Variants in PRKN observed in about 807,000 individuals in gnomAD.
PRKN encodes E3 ubiquitin-protein ligase parkin.
A neutral mutation model predicts 59.5 loss-of-function variants in PRKN; 56 were observed. That is an observed-to-expected ratio of 0.94 (90% CI 0.76 to 1.18). PRKN has a LOEUF of 1.18. Among genes scored for constraint, PRKN ranks in the 50% most tolerant of loss-of-function variants. The pLI is 0.00. For synonymous variants in PRKN, 250 were observed against 222.1 expected, an observed-to-expected ratio of 1.13 and a Z score of -1.12; for missense variants, 657 against 596.4, an observed-to-expected ratio of 1.10 and a Z score of -1.06.
chr6:162,443,478 C>G lies in PRKN; in HGVS notation c.8-5G>C. On this transcript the variant is annotated splice_polypyrimidine_tract_variant and splice_region_variant and intron_variant, in intron 1 of 11. Transcript: ENST00000366898. Reference sequence around the variant, plus strand: ...TGGAGTTGAACCTGACAAACACTGACCAAGGAAATTGGAAGGGAGAAGAGA... The same window carrying G: ...TGGAGTTGAACCTGACAAACACTGAGCAAGGAAATTGGAAGGGAGAAGAGA... The G allele has an allele frequency of 6.2e-7, 1 of 1,613,868 alleles. No individual in the cohort carries two copies. The highest frequency in any genetic ancestry group is 8.5e-7 in the Non-Finnish European group (1 of 1,179,824).
Position 162,443,405 on chromosome 6 carries a change from G to C in PRKN, c.76C>G (p.Leu26Val). Residue 26 changes from leucine (L) to valine (V), a missense_variant, in exon 2 of 12, where the codon CTC becomes GTC. By Grantham distance (32) the Leu-to-Val change is conservative. Transcript: ENST00000366898. ...EVDSDTSIFQ[L>V]KEVVAKRQGV... is the part of the protein sequence containing the mutation. ...TGTCGCTTAGCAACCACCTCCTTGA[G>C]CTGGAAGATGCTGGTGTCAGAATCG... 6.2e-7 allele frequency: 1 copy of C among 1,614,036 alleles called. No individual in the cohort carries two copies. The highest frequency in any genetic ancestry group is 8.5e-7 in the Non-Finnish European group (1 of 1,179,980).
intron 4 of PRKN, among the ~76,000 whole-genome samples, chr6:162,073,465 T>C (rs9458449): frequency 0.39 from 59,044 of 152,030 alleles, 12,133 homozygotes; most frequent in Admixed American, 0.49. Flanking sequence ...TGTGTGTCTG[T>C]TTTCTGAGAC....
intron 5 of PRKN, among the ~76,000 whole-genome samples, chr6:161,975,795 A>T (rs979530567): frequency 1.3e-5 from 2 of 152,238 alleles, no homozygotes; most frequent in African/African-American, 4.8e-5. Context: ...CAAAGTGAGT[A>T]AACTCTAGTT....
chr6:162,310,294 C>G (rs996332137), intron 2 of PRKN, among the ~76,000 whole-genome samples: 1 of 152,140 alleles, frequency 6.6e-6, no homozygotes, highest in Non-Finnish European at 1.5e-5. Flanking sequence ...ATCTGTAATA[C>G]CATAATAGCT....
intron 9 of PRKN, among the ~76,000 whole-genome samples, chr6:161,509,708 C>T (rs539352688): frequency 3.3e-5 from 5 of 151,720 alleles, no homozygotes; most frequent in South Asian, 2.1e-4. Context: ...GGTGAAACCC[C>T]GTCTTTACTA....
chr6:161,417,332 C>T lies in PRKN; in HGVS notation c.1084-30455G>A, dbSNP rs1195641660. On this transcript the variant is annotated intron_variant, in intron 9 of 11. Coordinates refer to ENST00000366898, the MANE Select transcript of PRKN (RefSeq NM_004562.3). This position sits in a 1 kb window ranked among gnomAD's most constrained non-coding sequence, Gnocchi z 5.4. ...GGGTGTGGTGGCGCCTGCCTGTAGT[C>T]GCAGCTACTCGGGAGGCTAAGGCAG... Among the ~76,000 whole-genome samples the T allele has an allele frequency of 4.0e-5, 6 of 151,778 alleles. No individual in the cohort carries two copies. Among genetic ancestry groups the T allele is most frequent in the Non-Finnish European group, 7.4e-5 (5 of 67,994 alleles).
intron 6 of PRKN, among the ~76,000 whole-genome samples, chr6:161,850,625 T>G (rs1793394499): frequency 6.6e-6 from 1 of 151,286 alleles, no homozygotes; most frequent in African/African-American, 2.4e-5. Flanking sequence ...ATCTAAAAGT[T>G]TTTTTCTTGT....
chr6:162,320,307 T>G (rs1317404313), intron 2 of PRKN, among the ~76,000 whole-genome samples: 1 of 147,860 alleles, frequency 6.8e-6, no homozygotes, highest in Admixed American at 6.8e-5. Context: ...TGATTTTTCC[T>G]TTGGGTAGAT....
intron 7 of PRKN, among the ~76,000 whole-genome samples, chr6:161,765,963 A>T (rs1789406664): frequency 6.6e-6 from 1 of 152,196 alleles, no homozygotes; most frequent in South Asian, 2.1e-4. Flanking sequence ...TGTCCCAAAT[A>T]CTTTTACTTC....
chr6:161,363,641 G>C lies in PRKN; in HGVS notation c.1168-3436C>G, dbSNP rs1785070866. ...AGAGAAACAGTGTTTGGAGAGAGTG[G>C]CAAAAAAACACACAAATTATCTACA... On this transcript the variant is annotated intron_variant, in intron 10 of 11. Transcript: ENST00000366898. The surrounding 1 kb of genome is among the most constrained non-coding windows in gnomAD (Gnocchi z 4.1). 6.6e-6 allele frequency among the ~76,000 whole-genome samples: 1 copy of C among 152,102 alleles called. No homozygotes were observed. The highest frequency in any genetic ancestry group is 6.5e-5 in the Admixed American group (1 of 15,274).
chr6:161,803,052 A>C (rs1791155885), intron 6 of PRKN, among the ~76,000 whole-genome samples: 1 of 152,196 alleles, frequency 6.6e-6, no homozygotes, highest in South Asian at 2.1e-4. Flanking sequence ...TCCTTGCATG[A>C]GGAGAAAAAC....
chr6:162,256,484 G>A (rs1350479502), intron 3 of PRKN, among the ~76,000 whole-genome samples: 1 of 152,074 alleles, frequency 6.6e-6, no homozygotes, highest in Non-Finnish European at 1.5e-5. Flanking sequence ...CTTTAAGAAA[G>A]TGGAATCCAG....
intron 7 of PRKN, among the ~76,000 whole-genome samples, chr6:161,696,766 A>C (rs1786039610): frequency 6.6e-6 from 1 of 152,168 alleles, no homozygotes; most frequent in Admixed American, 6.5e-5. Context: ...ATGTATGTTA[A>C]ATTTAGCTAA....
intron 1 of PRKN, among the ~76,000 whole-genome samples, chr6:162,514,528 G>C (rs1777763535): frequency 6.6e-6 from 1 of 152,154 alleles, no homozygotes. Context: ...CTCCTCACTT[G>C]GTGATTTTAA....
intron 1 of PRKN, among the ~76,000 whole-genome samples, chr6:162,480,413 G>A (rs976712929): frequency 2.6e-5 from 4 of 152,022 alleles, no homozygotes; most frequent in Admixed American, 6.5e-5. Flanking sequence ...AATTACTGAC[G>A]ACCAAAAATA....
At chr6:161,649,374 A>G (rs142293010) in intron 7 of PRKN, among the ~76,000 whole-genome samples, 140 of 152,332 alleles carry the variant, frequency 9.2e-4, no homozygotes, top group African/African-American at 2.5e-3. Context: ...GAAGTACTTG[A>G]AACAGTAAGG....
At chr6:162,337,617 C>T (rs561256106) in intron 2 of PRKN, among the ~76,000 whole-genome samples, 8 of 152,250 alleles carry the variant, frequency 5.3e-5, no homozygotes, top group South Asian at 4.1e-4. Context: ...CAGCATTTCC[C>T]GTGGAGCCTC....
intron 7 of PRKN, among the ~76,000 whole-genome samples, chr6:161,577,565 A>C (rs1781178313): frequency 6.6e-6 from 1 of 152,182 alleles, no homozygotes; most frequent in South Asian, 2.1e-4. Flanking sequence ...AAACTTTGTA[A>C]ATTTTGATGC....
intron 3 of PRKN, among the ~76,000 whole-genome samples, chr6:162,257,043 A>C (rs923937333): frequency 6.6e-6 from 1 of 152,222 alleles, no homozygotes; most frequent in Non-Finnish European, 1.5e-5. Context: ...CAAAAGCACA[A>C]GGTAGACGGG....
Sources: allele counts gnomAD v4.1 joint callset (sites outside exome capture counted in the v4.1 genomes callset), GRCh38; gene constraint gnomAD v4.1.1; non-coding constraint Gnocchi (gnomAD v3.1); transcripts MANE v1.5; gene names NCBI Gene and HGNC (gene_info 2026-07-23, HGNC 2026-07-21).